Variants in STK3 observed in about 807,000 individuals in gnomAD.
STK3 encodes serine/threonine-protein kinase 3.
STK3 carries 41 observed loss-of-function variants against 58.0 expected under a neutral mutation model. The ratio of observed to expected loss-of-function variants is 0.71; its 90% CI spans 0.55 to 0.92. The LOEUF is 0.92. Ranked by LOEUF, STK3 falls within the 40% of genes least tolerant of loss-of-function variation. The pLI, the probability that STK3 is intolerant of heterozygous loss-of-function variation, is 0.00. For missense variants in STK3, 479 were observed against 602.7 expected (o/e 0.79, Z 2.15); for synonymous variants, 170 against 191.0 (o/e 0.89, Z 0.91).
chr8:98,607,530 ACT>A (rs1285706984), intron 6 of STK3, among the ~76,000 whole-genome samples: 5 of 152,196 alleles, frequency 3.3e-5, no homozygotes, highest in African/African-American at 7.2e-5. Context: ...TTTAAAAAAT[ACT>A]CTTTTTAGCA....
At chr8:98,451,002 C>T (rs1050583706), downstream of STK3, among the ~76,000 whole-genome samples, 1 of 152,174 alleles carries the variant, frequency 6.6e-6, no homozygotes, top group Non-Finnish European at 1.5e-5. Flanking sequence ...CATTTAATCT[C>T]TCTAATTCTT....
At chr8:98,747,804 C>T (rs983518579) in intron 4 of STK3, among the ~76,000 whole-genome samples, 3 of 152,158 alleles carry the variant, frequency 2.0e-5, no homozygotes, top group East Asian at 3.9e-4. Flanking sequence ...TCTTACCATG[C>T]CATCCCAGAA....
chr8:98,858,172 A>G (rs1836748517), intron 3 of STK3, among the ~76,000 whole-genome samples: 2 of 151,098 alleles, frequency 1.3e-5, no homozygotes, highest in Non-Finnish European at 2.9e-5. Flanking sequence ...ACTTGAGATC[A>G]GGAGTTCGAG....
intron 6 of STK3, among the ~76,000 whole-genome samples, chr8:98,675,146 T>A (rs897168120): frequency 3.3e-5 from 5 of 152,212 alleles, no homozygotes; most frequent in Non-Finnish European, 7.4e-5. Context: ...TAAAAGTAGT[T>A]CAAATGAACA....
chr8:98,923,854 TGC>T (rs3029998), intron 1 of STK3, among the ~76,000 whole-genome samples: 4,064 of 113,560 alleles, frequency 0.036, 74 homozygotes, highest in Non-Finnish European at 0.05. Flanking sequence ...TGTGTGTGTG[TGC>T]GCGCGCGCGC....
In STK3 at chr8:98,710,123, T is replaced by C. The variant is rs531884093; in HGVS notation, c.352-2812A>G. 7.9e-5 allele frequency among the ~76,000 whole-genome samples: 12 copies of C among 152,140 alleles called. No individual in the cohort carries two copies. The East Asian group carries it at 1.3e-3, about 17-fold the overall frequency. ...TCATATATGTAGAAAATTCTAAAGA[T>C]TCCACAAAAAAAACCTATTAGAACT... On this transcript the variant is annotated intron_variant, in intron 4 of 10. Coordinates refer to ENST00000419617, the MANE Select transcript of STK3 (RefSeq NM_006281.4).
At chr8:98,557,990 T>C (rs1417179096) in intron 8 of STK3, among the ~76,000 whole-genome samples, 1 of 151,994 alleles carries the variant, frequency 6.6e-6, no homozygotes, top group East Asian at 1.9e-4. Flanking sequence ...ATAGGAGAAG[T>C]TTCCAAACAA....
intron 1 of STK3, among the ~76,000 whole-genome samples, chr8:98,895,603 G>T (rs1304153160): frequency 6.6e-6 from 1 of 152,162 alleles, no homozygotes; most frequent in African/African-American, 2.4e-5. Flanking sequence ...CTTAAACAAA[G>T]AAGCGTATGG....
intron 1 of STK3, among the ~76,000 whole-genome samples, chr8:98,914,055 CA>C (rs112330558): frequency 1.5e-3 from 194 of 132,608 alleles, no homozygotes; most frequent in African/African-American, 4.7e-3. Context: ...AAAGCCAATT[CA>C]AAAAAAAAAA....
chr8:98,853,011 T>A (rs570220353), intron 3 of STK3, among the ~76,000 whole-genome samples: 96 of 152,196 alleles, frequency 6.3e-4, no homozygotes, highest in Non-Finnish European at 1.1e-3. Flanking sequence ...TGAAAAAAAA[T>A]TTCTTCTTTC....
chr8:98,940,266 C>A (rs1209618916), intron 1 of STK3, among the ~76,000 whole-genome samples: 1 of 152,230 alleles, frequency 6.6e-6, no homozygotes, highest in East Asian at 1.9e-4. Context: ...AGGCATCTTG[C>A]GACTAGCGAG....
chr8:98,444,433 C>T (rs557152684), intron 1 of STK3, among the ~76,000 whole-genome samples: 1 of 152,084 alleles, frequency 6.6e-6, no homozygotes, highest in Admixed American at 6.6e-5. Context: ...AGGGTGAGAT[C>T]GACTGAGGAG....
At chr8:98,491,433 T>A (rs1822692412) in intron 10 of STK3, among the ~76,000 whole-genome samples, 1 of 151,780 alleles carries the variant, frequency 6.6e-6, no homozygotes. Flanking sequence ...CTAGGAAATT[T>A]TTTTTTTTTT....
intron 1 of STK3, among the ~76,000 whole-genome samples, chr8:98,917,903 C>A (rs200419363): frequency 1.3e-5 from 2 of 152,286 alleles, no homozygotes; most frequent in Non-Finnish European, 1.5e-5. Context: ...AGGGAAAAAA[C>A]CAACAGCTCA....
At chr8:98,580,637 G>A (rs968567253) in intron 7 of STK3, among the ~76,000 whole-genome samples, 30 of 152,184 alleles carry the variant, frequency 2.0e-4, no homozygotes, top group African/African-American at 7.0e-4. Flanking sequence ...GTTTGAGACA[G>A]GGGCTTGCTC....
intron 7 of STK3, among the ~76,000 whole-genome samples, chr8:98,580,195 C>CA (rs1342011947): frequency 2.4e-4 from 36 of 152,094 alleles, no homozygotes; most frequent in African/African-American, 8.2e-4. Flanking sequence ...AGTTGACAGC[C>CA]AAAATCAGTG....
rs1367400500 is a variant in STK3, at chr8:98,429,151, C to T, written n.483+4976G>A. The T allele has an allele frequency of 2.5e-6, 4 of 1,613,364 alleles. No individual in the cohort carries two copies. The Admixed American group carries it at 6.7e-5, about 27-fold the overall frequency. ...GGGACCACGGCAGGAAAGCTGACTG[C>T]CTCTGCCTGCATCTTGGCAGGCATC... On this transcript the variant is annotated intron_variant and non_coding_transcript_variant, in intron 3 of 3. Coordinates refer to the STK3 transcript ENST00000517832.
chr8:98,886,186 TAC>T (rs564939460), intron 1 of STK3, among the ~76,000 whole-genome samples: 12 of 151,498 alleles, frequency 7.9e-5, no homozygotes, highest in Non-Finnish European at 1.5e-4. Flanking sequence ...TATGTACACA[TAC>T]ACACACACAC....
intron 2 of STK3, among the ~76,000 whole-genome samples, chr8:98,375,966 T>C (rs1215418585): frequency 2.0e-5 from 3 of 152,212 alleles, no homozygotes; most frequent in African/African-American, 2.4e-5. Context: ...GGGATGTAAG[T>C]ATATGTTTAA....
Sources: gnomAD v4.1 joint callset for allele counts (sites outside exome capture counted in the v4.1 genomes callset) on GRCh38, gnomAD v4.1.1 for gene constraint, MANE v1.5 for transcripts, NCBI Gene and HGNC (gene_info 2026-07-23, HGNC 2026-07-21) for gene names.